EPHB1: variants seen among roughly 807,000 people sequenced by gnomAD.
The protein encoded by EPHB1 is EPH receptor B1, also known as ephrin type-B receptor 1.
Under a neutral mutation model 94.4 loss-of-function variants are expected in EPHB1, and 30 were observed. That is an observed-to-expected ratio of 0.32 (90% confidence interval 0.24 to 0.43). The LOEUF (loss-of-function observed/expected upper bound fraction) is 0.43. EPHB1 is among the 20% of genes least tolerant of loss of function. EPHB1 has a pLI of 1.00. For missense variants in EPHB1, 1,055 were observed against 1,308.3 expected (o/e 0.81, Z 2.99); for synonymous variants, 522 against 489.1 (o/e 1.07, Z -0.89).
intron 1 of EPHB1, among the ~76,000 whole-genome samples, chr3:134,801,646 A>G (rs760336420): frequency 2.5e-4 from 38 of 152,248 alleles, no homozygotes; most frequent in Non-Finnish European, 2.9e-5. Flanking sequence ...TTACTGTAAT[A>G]ATAAAGTAAC....
intron 1 of EPHB1, among the ~76,000 whole-genome samples, chr3:134,885,054 A>T (rs1420078153): frequency 6.6e-6 from 1 of 152,218 alleles, no homozygotes; most frequent in Non-Finnish European, 1.5e-5. Context: ...GGTGCAAAGA[A>T]TTTCTTCTGC....
At chr3:135,253,326 T>C (rs1295914120) in intron 15 of EPHB1, among the ~76,000 whole-genome samples, 1 of 150,914 alleles carries the variant, frequency 6.6e-6, no homozygotes, top group Non-Finnish European at 1.5e-5. Flanking sequence ...GGTTTTCTTC[T>C]AGGGTTTTTA....
intron 4 of EPHB1, among the ~76,000 whole-genome samples, chr3:135,109,219 G>T (rs1939343518): frequency 1.3e-5 from 2 of 152,210 alleles, no homozygotes. Flanking sequence ...TTCTGGGAAA[G>T]CTCATAGAAT....
At chr3:135,098,357 TG>T in intron 3 of EPHB1, among the ~76,000 whole-genome samples, 1 of 152,208 alleles carries the variant, frequency 6.6e-6, no homozygotes, top group Non-Finnish European at 1.5e-5. Flanking sequence ...TGTGTGTGTG[TG>T]TGTATAAAAT....
At chr3:134,989,415 A>G (rs1934712423) in intron 3 of EPHB1, among the ~76,000 whole-genome samples, 1 of 152,194 alleles carries the variant, frequency 6.6e-6, no homozygotes, top group African/African-American at 2.4e-5. Context: ...ATGTTTTTAT[A>G]TTAGAAAAGA....
chr3:134,984,650 G>C (rs1482854582), intron 3 of EPHB1, among the ~76,000 whole-genome samples: 2 of 152,120 alleles, frequency 1.3e-5, no homozygotes, highest in Non-Finnish European at 2.9e-5. Flanking sequence ...GGGCCCCAGA[G>C]AGGGAAGGGC....
intron 1 of EPHB1, among the ~76,000 whole-genome samples, chr3:134,889,879 C>CT (rs1560283532): frequency 7.9e-5 from 12 of 151,798 alleles, no homozygotes; most frequent in Non-Finnish European, 1.6e-4. Flanking sequence ...AGGGTTTCAC[C>CT]GTGTTAGCCA....
intron 3 of EPHB1, among the ~76,000 whole-genome samples, chr3:134,983,299 G>A (rs901813291): frequency 6.6e-6 from 1 of 152,200 alleles, no homozygotes; most frequent in Non-Finnish European, 1.5e-5. Flanking sequence ...CTTTCATCCT[G>A]GAGATAATGT....
intron 9 of EPHB1, 62 bp from the exon 10 acceptor site, chr3:135,179,797 GC>G (rs781026557): frequency 3.2e-5 from 51 of 1,596,652 alleles, no homozygotes; most frequent in Non-Finnish European, 4.2e-5. Context: ...GGGGACATCA[GC>G]AGTGCTGAAT....
intron 2 of EPHB1, among the ~76,000 whole-genome samples, chr3:134,931,848 C>T (rs369694296): frequency 7.2e-5 from 11 of 151,890 alleles, no homozygotes; most frequent in African/African-American, 2.4e-4. Flanking sequence ...TATGTTTGTA[C>T]ATATGTATAT....
rs111309140 is a variant in EPHB1, at chr3:134,913,687, C to T, written c.59-12129C>T. ...CCATCAAGGGGTCGAGGGCAGGGTG[C>T]GAGGAGGGCAATGCTGGGAGCACTG... On this transcript the variant is annotated intron_variant, in intron 1 of 15. Transcript: ENST00000398015. Among the ~76,000 whole-genome samples the T allele has an allele frequency of 2.4e-3, 368 of 152,276 alleles. 2 individuals carry two copies. The highest frequency in any genetic ancestry group is 6.9e-3 in the African/African-American group (286 of 41,560).
rs752617157 is a variant in EPHB1, at chr3:135,249,505, ATC to A, written c.2846+20_2846+21del. The A allele has an allele frequency of 4.3e-6, 7 of 1,611,224 alleles. No individual in the cohort carries two copies. The African/African-American group carries it at 6.7e-5, about 15-fold the overall frequency. On this transcript the variant is annotated intron_variant, in intron 15 of 15. Transcript: ENST00000398015. ...GATGACATCAGAGTAAGTGATGAGA[ATC>A]TCTCTGTCCAGACCACACCTAGGGG...
intron 3 of EPHB1, among the ~76,000 whole-genome samples, chr3:135,093,406 A>T (rs1938630648): frequency 6.6e-6 from 1 of 152,078 alleles, no homozygotes; most frequent in African/African-American, 2.4e-5. Flanking sequence ...CTATTTGAAA[A>T]AATCTTCCAC....
intron 6 of EPHB1, among the ~76,000 whole-genome samples, chr3:135,158,538 C>A (rs1003207040): frequency 6.6e-6 from 1 of 152,126 alleles, no homozygotes; most frequent in Non-Finnish European, 1.5e-5. Context: ...TTCCATGGGT[C>A]TCCTGCTCCA....
At chr3:135,053,778 GAA>G (rs1340159197) in intron 3 of EPHB1, among the ~76,000 whole-genome samples, 4 of 152,144 alleles carry the variant, frequency 2.6e-5, no homozygotes, top group African/African-American at 9.7e-5. Flanking sequence ...CTTGAGGTCA[GAA>G]GTTTGAGAAC....
At chr3:134,913,383 T>C (rs532223354) in intron 1 of EPHB1, among the ~76,000 whole-genome samples, 1 of 152,238 alleles carries the variant, frequency 6.6e-6, no homozygotes, top group African/African-American at 2.4e-5. Context: ...CAAAATCATT[T>C]TACTGTAAAG....
intron 1 of EPHB1, among the ~76,000 whole-genome samples, chr3:134,815,762 A>T (rs955675925): frequency 5.9e-5 from 9 of 152,140 alleles, no homozygotes; most frequent in Admixed American, 6.6e-5. Flanking sequence ...ACTTTCTTTG[A>T]TGGGGTCATA....
chr3:134,977,719 C>G (rs2107731825), intron 3 of EPHB1, among the ~76,000 whole-genome samples: 1 of 152,282 alleles, frequency 6.6e-6, no homozygotes, highest in Middle Eastern at 3.4e-3. Context: ...TCAGCTTCTT[C>G]TCCAGCCCCC....
At chr3:135,115,429 C>T (rs1939653710) in intron 4 of EPHB1, among the ~76,000 whole-genome samples, 1 of 152,180 alleles carries the variant, frequency 6.6e-6, no homozygotes. Flanking sequence ...GTCCTCTGTC[C>T]TCTGCCAGCC....
Sources: allele counts gnomAD v4.1 joint callset (sites outside exome capture counted in the v4.1 genomes callset), GRCh38; gene constraint gnomAD v4.1.1; transcripts MANE v1.5; gene names NCBI Gene and HGNC (gene_info 2026-07-23, HGNC 2026-07-21).